The following CALCR variants were observed in gnomAD, a reference collection of about 807,000 sequenced individuals.
The protein encoded by CALCR is calcitonin receptor.
In CALCR, 47 loss-of-function variants were observed where a neutral mutation model predicts 59.5. That is an observed-to-expected ratio of 0.79 (90% CI 0.63 to 1.01). The LOEUF (loss-of-function observed/expected upper bound fraction) is 1.01. Among genes scored for constraint, CALCR ranks in the 50% least tolerant of loss-of-function variants. CALCR has a pLI of 0.00. For missense variants in CALCR, 566 were observed against 597.1 expected (o/e 0.95, Z 0.54); for synonymous variants, 213 against 211.3 (o/e 1.01, Z -0.07).
At position 93,479,172 on chromosome 7, in the gene CALCR, G is replaced by A. The variant is rs10242522; in HGVS notation, c.205+182C>T. Among the ~76,000 whole-genome samples, 7,742 of 151,916 alleles carry A rather than the reference G, an allele frequency of 0.051. 694 individuals are homozygous for A. The highest frequency in any genetic ancestry group is 0.18 in the African/African-American group (7,318 of 41,460). Reference sequence around the variant, plus strand: ...GATGTTAGCCAAATTGCAGTCAGATGAACTTGGGCAAAGAAATTAGGCATA... The same window carrying A: ...GATGTTAGCCAAATTGCAGTCAGATAAACTTGGGCAAAGAAATTAGGCATA... On this transcript the variant is annotated intron_variant, in intron 4 of 13. Coordinates refer to ENST00000426151, the MANE Select transcript of CALCR (RefSeq NM_001742.4).
At chr7:93,556,897 C>T (rs955742096) in intron 2 of CALCR, among the ~76,000 whole-genome samples, 1 of 151,922 alleles carries the variant, frequency 6.6e-6, no homozygotes. Context: ...GAAAGACTCG[C>T]ATTTCTGTAG....
intron 2 of CALCR, among the ~76,000 whole-genome samples, chr7:93,515,638 G>C (rs536374851): frequency 1.2e-4 from 18 of 152,026 alleles, no homozygotes; most frequent in Admixed American, 1.1e-3. Flanking sequence ...TTTCACAATT[G>C]AGTGTCTCAA....
chr7:93,562,972 T>C (rs186182920), intron 2 of CALCR, among the ~76,000 whole-genome samples: 21 of 152,214 alleles, frequency 1.4e-4, no homozygotes, highest in Admixed American at 9.2e-4. Flanking sequence ...AAAATTACAT[T>C]AGAAAAGAAA....
At chr7:93,434,324 G>A in intron 12 of CALCR, 30 bp from the exon 13 acceptor site, 1 of 1,540,938 alleles carries the variant, frequency 6.5e-7, no homozygotes, top group South Asian at 1.1e-5. Flanking sequence ...TACAGTTGAA[G>A]TTATTTTTGT....
At chr7:93,431,235 G>T (rs751898025) in intron 13 of CALCR, among the ~76,000 whole-genome samples, 12 of 152,176 alleles carry the variant, frequency 7.9e-5, no homozygotes, top group Non-Finnish European at 1.3e-4. Context: ...AAGATCATTT[G>T]CTTTCTTAGG....
rs115598673 is a variant in CALCR, at chr7:93,478,588, G to T, written c.205+766C>A. On this transcript the variant is annotated intron_variant, in intron 4 of 13. Coordinates refer to ENST00000426151, the MANE Select transcript of CALCR (RefSeq NM_001742.4). ...ACCTGTAGTCCCAACTGCTCAGGAGGCTAAAGTGGGAGGATCGTCCTGGGC... is the reference window on the plus strand; with the variant it reads ...ACCTGTAGTCCCAACTGCTCAGGAGTCTAAAGTGGGAGGATCGTCCTGGGC... 1.0e-3 allele frequency among the ~76,000 whole-genome samples: 159 copies of T among 151,536 alleles called. 1 individual carries two copies. The highest frequency in any genetic ancestry group is 3.8e-3 in the African/African-American group (158 of 41,414).
intron 8 of CALCR, among the ~76,000 whole-genome samples, chr7:93,460,400 A>T (rs552236774): frequency 6.1e-4 from 92 of 150,820 alleles, no homozygotes; most frequent in Middle Eastern, 6.8e-3. Flanking sequence ...CTAAAAATAC[A>T]AAAAAATTAG....
intron 6 of CALCR, among the ~76,000 whole-genome samples, chr7:93,470,932 C>G (rs543160006): frequency 1.2e-3 from 150 of 124,160 alleles, no homozygotes; most frequent in African/African-American, 4.2e-3. Flanking sequence ...CCCCTCCCCC[C>G]ACCCCACAAC....
At chr7:93,472,577 A>T (rs1048612152) in intron 5 of CALCR, 90 bp from the exon 6 acceptor site, 39 of 749,024 alleles carry the variant, frequency 5.2e-5, no homozygotes, top group Middle Eastern at 3.4e-4. Flanking sequence ...CCATTCCAAC[A>T]TATTAATCAC....
In CALCR at chr7:93,495,328, T is replaced by C. The variant is rs78402944; in HGVS notation, c.-26-8321A>G. On this transcript the variant is annotated intron_variant, in intron 2 of 13. Transcript: ENST00000426151. Reference sequence around the variant, plus strand: ...GCTTCTTGATGAATTACCATCTCCATAGCAAGGATTTTGTTCACTCTTGCA... The same window carrying C: ...GCTTCTTGATGAATTACCATCTCCACAGCAAGGATTTTGTTCACTCTTGCA... 3.5e-3 allele frequency among the ~76,000 whole-genome samples: 537 copies of C among 151,508 alleles called. 3 individuals are homozygous for C. Among genetic ancestry groups the C allele is most frequent in the African/African-American group, 0.012 (505 of 41,470 alleles).
At chr7:93,560,125 CTG>C (rs1789711282) in intron 2 of CALCR, among the ~76,000 whole-genome samples, 1 of 152,034 alleles carries the variant, frequency 6.6e-6, no homozygotes, top group Non-Finnish European at 1.5e-5. Context: ...GGAAAAGAAA[CTG>C]TTTTTCCTTC....
intron 6 of CALCR, 132 bp downstream of exon 6, chr7:93,472,243 C>G (rs1800567801): frequency 1.7e-6 from 1 of 605,846 alleles, no homozygotes; most frequent in African/African-American, 1.9e-5. Flanking sequence ...CTAGAACTTA[C>G]CAGTTATCAT....
chr7:93,477,741 A>G, intron 4 of CALCR, 73 bp from the exon 5 acceptor site: 1 of 914,992 alleles, frequency 1.1e-6, no homozygotes, highest in Non-Finnish European at 1.8e-6. Context: ...TCCCAAGACG[A>G]TATTACAAGT....
intron 2 of CALCR, among the ~76,000 whole-genome samples, chr7:93,573,577 A>G (rs2116301925): frequency 6.6e-6 from 1 of 152,340 alleles, no homozygotes; most frequent in East Asian, 1.9e-4. Flanking sequence ...TAAAGTCTGT[A>G]TGATAGTTTA....
chr7:93,546,005 A>C (rs1203242820), intron 2 of CALCR, among the ~76,000 whole-genome samples: 1 of 152,190 alleles, frequency 6.6e-6, no homozygotes, highest in Non-Finnish European at 1.5e-5. Flanking sequence ...TAACAAAAAA[A>C]ATACTGTTGC....
chr7:93,571,266 C>T (rs1418625378), intron 2 of CALCR, among the ~76,000 whole-genome samples: 1 of 152,000 alleles, frequency 6.6e-6, no homozygotes, highest in Non-Finnish European at 1.5e-5. Context: ...GGGATGATTA[C>T]TTATGTTCTT....
At chr7:93,491,448 C>A (rs1351487086) in intron 2 of CALCR, among the ~76,000 whole-genome samples, 1 of 152,022 alleles carries the variant, frequency 6.6e-6, no homozygotes, top group Non-Finnish European at 1.5e-5. Flanking sequence ...GCAAAAGAAA[C>A]TATCATCAGA....
intron 3 of CALCR, chr7:93,484,031 G>C (rs369285389): frequency 1.2e-5 from 6 of 515,614 alleles, no homozygotes; most frequent in African/African-American, 9.7e-5. Context: ...AACAGCAGTA[G>C]TCAGCAGCCC....
At chr7:93,487,601 T>G (rs940987301) in intron 2 of CALCR, among the ~76,000 whole-genome samples, 1 of 151,498 alleles carries the variant, frequency 6.6e-6, no homozygotes, top group African/African-American at 2.4e-5. Flanking sequence ...AAGAGCATAA[T>G]CATCCAAACA....
Sources: gnomAD v4.1 joint callset for allele counts (sites outside exome capture counted in the v4.1 genomes callset) on GRCh38, gnomAD v4.1.1 for gene constraint, MANE v1.5 for transcripts, NCBI Gene and HGNC (gene_info 2026-07-23, HGNC 2026-07-21) for gene names.